Variants in MACROD2 observed in about 807,000 individuals in gnomAD.
MACROD2 encodes ADP-ribose glycohydrolase MACROD2.
A neutral mutation model predicts 70.4 loss-of-function variants in MACROD2; 36 were observed. That is an observed-to-expected ratio of 0.51 (90% CI 0.39 to 0.68). MACROD2 has a LOEUF of 0.68. Ranked by LOEUF, MACROD2 falls within the 30% of genes least tolerant of loss-of-function variation. The probability of loss-of-function intolerance (pLI) is 0.00; values close to 1 mark genes in which losing one functional copy is unlikely to be tolerated. For missense variants in MACROD2, 496 were observed against 538.4 expected (o/e 0.92, Z 0.78); for synonymous variants, 172 against 178.8 (o/e 0.96, Z 0.30).
rs532032382 is a variant in MACROD2 at position 14,766,221 on chromosome 20, T to C, written c.418+81262T>C. Among the ~76,000 whole-genome samples, 5 of 152,204 alleles carry C rather than the reference T, an allele frequency of 3.3e-5. No individual in the cohort carries two copies. The South Asian group carries it at 1.0e-3, about 32-fold the overall frequency. On this transcript the variant is annotated intron_variant, in intron 5 of 17. Transcript: ENST00000684519. ...CCAATTCTGGACAGGGAGTGCTGGC[T>C]TACACTGTTAGCCAATGAGTATCTG...
intron 5 of MACROD2, among the ~76,000 whole-genome samples, chr20:14,768,407 G>C (rs574184444): frequency 6.6e-6 from 1 of 152,090 alleles, no homozygotes; most frequent in Non-Finnish European, 1.5e-5. Context: ...TTTGGGAATT[G>C]ATATCAGTTT....
At chr20:15,600,038 A>G (rs1365197013) in intron 8 of MACROD2, among the ~76,000 whole-genome samples, 1 of 152,166 alleles carries the variant, frequency 6.6e-6, no homozygotes, top group Non-Finnish European at 1.5e-5. Context: ...GCTGCAGATC[A>G]GAGCTCAATA....
At chr20:15,619,811 G>A (rs770387816) in intron 8 of MACROD2, 7 of 163,538 alleles carry the variant, frequency 4.3e-5, no homozygotes, top group Non-Finnish European at 6.6e-5. Flanking sequence ...TCTCCTCCAC[G>A]GTGTTCTCGT....
At chr20:15,575,165 T>A (rs531064558) in intron 8 of MACROD2, among the ~76,000 whole-genome samples, 1 of 152,226 alleles carries the variant, frequency 6.6e-6, no homozygotes, top group Admixed American at 6.5e-5. Context: ...AGAAAAGCTG[T>A]TTTTGTTTTG....
chr20:15,541,008 C>T (rs2047948492), intron 8 of MACROD2, among the ~76,000 whole-genome samples: 1 of 152,142 alleles, frequency 6.6e-6, no homozygotes, highest in South Asian at 2.1e-4. Flanking sequence ...AATCAGGTCA[C>T]ATTCTGAGGT....
At chr20:15,836,687 C>T (rs937001050) in intron 8 of MACROD2, among the ~76,000 whole-genome samples, 15 of 152,184 alleles carry the variant, frequency 9.9e-5, no homozygotes, top group Non-Finnish European at 1.8e-4. Flanking sequence ...AAGGGATTGA[C>T]TATCCGTAAT....
chr20:15,386,947 C>T (rs2045721566), intron 6 of MACROD2, among the ~76,000 whole-genome samples: 2 of 152,156 alleles, frequency 1.3e-5, no homozygotes, highest in Admixed American at 1.3e-4. Context: ...TTTTCAAATC[C>T]TTTTTTCCCC....
At chr20:14,448,444 A>C (rs1293027674) in intron 3 of MACROD2, among the ~76,000 whole-genome samples, 1 of 151,936 alleles carries the variant, frequency 6.6e-6, no homozygotes, top group Non-Finnish European at 1.5e-5. Context: ...TGGGAGGCCG[A>C]GGTGGGCAGA....
intron 3 of MACROD2, among the ~76,000 whole-genome samples, chr20:14,430,570 G>A (rs918441049): frequency 6.6e-6 from 1 of 151,800 alleles, no homozygotes; most frequent in Non-Finnish European, 1.5e-5. Flanking sequence ...AAAACACAGA[G>A]GACGAACATA....
chr20:14,644,262 T>C (rs1313490984), intron 4 of MACROD2, among the ~76,000 whole-genome samples: 1 of 152,202 alleles, frequency 6.6e-6, no homozygotes, highest in Non-Finnish European at 1.5e-5. Flanking sequence ...AGCTGCTTAA[T>C]AACTGTTAGT....
intron 5 of MACROD2, among the ~76,000 whole-genome samples, chr20:14,730,850 T>A (rs959941913): frequency 3.3e-5 from 5 of 152,238 alleles, no homozygotes; most frequent in South Asian, 2.1e-4. Flanking sequence ...AGTGTTTTTT[T>A]AAAGATCTTT....
rs141148998 is a variant in MACROD2 at position 16,043,238 on chromosome 20, T to C, written c.1232-1333T>C. 3.4e-4 allele frequency among the ~76,000 whole-genome samples: 51 copies of C among 152,158 alleles called. No homozygotes were observed. In the East Asian group the frequency reaches 8.1e-3, roughly 24 times the overall value. ...ACTAGAAGTGGGGCACCTTAAGTGA[T>C]TGTATTAGGGAATACATTTGGCCTT... On this transcript the variant is annotated intron_variant, in intron 16 of 17. Transcript: ENST00000684519.
At chr20:14,351,178 A>G (rs964499418) in intron 3 of MACROD2, among the ~76,000 whole-genome samples, 4 of 152,138 alleles carry the variant, frequency 2.6e-5, no homozygotes, top group Non-Finnish European at 5.9e-5. Context: ...GACGTCAGGT[A>G]ATGTGGTTCC....
chr20:14,738,100 A>G (rs1280717306), intron 5 of MACROD2, among the ~76,000 whole-genome samples: 1 of 124,790 alleles, frequency 8.0e-6, no homozygotes, highest in African/African-American at 2.9e-5. Flanking sequence ...TTTTTTTTTC[A>G]TCTCTTGAAC....
intron 5 of MACROD2, among the ~76,000 whole-genome samples, chr20:14,706,168 G>C (rs1466360348): frequency 6.6e-6 from 1 of 152,018 alleles, no homozygotes; most frequent in Non-Finnish European, 1.5e-5. Flanking sequence ...ACAAAAATTA[G>C]CTGGGTGTGG....
intron 5 of MACROD2, among the ~76,000 whole-genome samples, chr20:15,073,364 T>C (rs948841865): frequency 2.0e-5 from 3 of 152,030 alleles, no homozygotes; most frequent in Non-Finnish European, 2.9e-5. Context: ...ACTAAAACCC[T>C]GTGGCCTGCC....
intron 7 of MACROD2, among the ~76,000 whole-genome samples, chr20:15,474,023 A>C (rs2046991584): frequency 6.6e-6 from 1 of 152,244 alleles, no homozygotes; most frequent in South Asian, 2.1e-4. Flanking sequence ...AGGCAAACTC[A>C]TGCCATTGCG....
chr20:15,635,257 T>C (rs1477749943), intron 8 of MACROD2, among the ~76,000 whole-genome samples: 1 of 152,234 alleles, frequency 6.6e-6, no homozygotes, highest in Non-Finnish European at 1.5e-5. Flanking sequence ...ATCTATTAAA[T>C]GCCAGACAAA....
chr20:14,678,952 G>GA (rs771805803), intron 4 of MACROD2, among the ~76,000 whole-genome samples: 3,954 of 142,178 alleles, frequency 0.028, 53 homozygotes, highest in Admixed American at 0.034. Flanking sequence ...AGTATTATCA[G>GA]AAAAAAAAAA....
Sources: allele counts gnomAD v4.1 joint callset (sites outside exome capture counted in the v4.1 genomes callset), GRCh38; gene constraint gnomAD v4.1.1; transcripts MANE v1.5; gene names NCBI Gene and HGNC (gene_info 2026-07-23, HGNC 2026-07-21).